FYB2: variants seen among roughly 807,000 people sequenced by gnomAD.
FYB2 encodes the protein FYN-binding protein 2.
A neutral mutation model predicts 94.1 loss-of-function variants in FYB2; 103 were observed. The observed-to-expected ratio is 1.09, with a 90% confidence interval of 0.93 to 1.29. The LOEUF is 1.29. Among genes scored for constraint, FYB2 ranks in the 50% most tolerant of loss-of-function variants. The pLI is 0.00. For synonymous variants in FYB2, 293 were observed against 287.9 expected, an observed-to-expected ratio of 1.02 and a Z score of -0.18; for missense variants, 896 against 841.5, an observed-to-expected ratio of 1.06 and a Z score of -0.80.
intron 5 of FYB2, among the ~76,000 whole-genome samples, chr1:56,762,356 A>G (rs1645517124): frequency 6.6e-6 from 1 of 152,138 alleles, no homozygotes; most frequent in Non-Finnish European, 1.5e-5. Context: ...GTGTCTTCCG[A>G]TCCATAAACA....
Position 56,789,688 on chromosome 1 carries a change from T to C in FYB2, c.758-554A>G, listed in dbSNP as rs545978910. 2.6e-5 allele frequency among the ~76,000 whole-genome samples: 4 copies of C among 152,146 alleles called. No individual in the cohort carries two copies. The East Asian group carries it at 5.8e-4, about 22-fold the overall frequency. Reference sequence around the variant, plus strand: ...TTGTATCCCTGTAGCACATTGTTAATACCCTTACATCAATATCATGGCACA... The same window carrying C: ...TTGTATCCCTGTAGCACATTGTTAACACCCTTACATCAATATCATGGCACA... On this transcript the variant is annotated intron_variant, in intron 2 of 19. Coordinates refer to ENST00000343433, the MANE Select transcript of FYB2 (RefSeq NM_001004303.5).
At chr1:56,754,057 C>G in intron 7 of FYB2, 122 bp from the exon 8 acceptor site, 1 of 655,946 alleles carries the variant, frequency 1.5e-6, no homozygotes. Flanking sequence ...AATCATTTAT[C>G]TTAGATGAAG....
At chr1:56,768,936 A>C (rs1301187666) in intron 4 of FYB2, among the ~76,000 whole-genome samples, 1 of 152,242 alleles carries the variant, frequency 6.6e-6, no homozygotes, top group African/African-American at 2.4e-5. Context: ...GGAGTTATAG[A>C]GATCATAAAA....
chr1:56,730,145 T>C (rs1644673724), intron 15 of FYB2, among the ~76,000 whole-genome samples: 1 of 150,102 alleles, frequency 6.7e-6, no homozygotes, highest in African/African-American at 2.5e-5. Flanking sequence ...ACAAACCAAA[T>C]CCAAAGTTAG....
At chr1:56,751,345 C>T (rs1348827836) in intron 8 of FYB2, 142 bp from the exon 9 acceptor site, 1 of 974,372 alleles carries the variant, frequency 1.0e-6, no homozygotes, top group Non-Finnish European at 1.5e-6. Context: ...TCTTACTAGA[C>T]TCTAAGTTTC....
At chr1:56,790,598 T>G (rs1646238350) in intron 2 of FYB2, among the ~76,000 whole-genome samples, 1 of 152,218 alleles carries the variant, frequency 6.6e-6, no homozygotes. Context: ...CAATAACTAT[T>G]TATTTACTAT....
intron 1 of FYB2, among the ~76,000 whole-genome samples, chr1:56,795,609 G>A (rs1646378911): frequency 6.7e-6 from 1 of 149,918 alleles, no homozygotes; most frequent in Admixed American, 6.6e-5. Context: ...GTGTACAGGG[G>A]TTCCAATTTC....
At chr1:56,742,074 C>T (rs1168878805) in intron 12 of FYB2, 87 bp downstream of exon 12, 20 of 1,142,920 alleles carry the variant, frequency 1.7e-5, no homozygotes, top group East Asian at 9.8e-5. Flanking sequence ...GGCTGGGGGG[C>T]GGATGGTGGG....
intron 15 of FYB2, among the ~76,000 whole-genome samples, chr1:56,731,233 G>A (rs759996415): frequency 9.2e-4 from 140 of 152,108 alleles, no homozygotes; most frequent in Non-Finnish European, 1.4e-3. Context: ...AGGAAAGATC[G>A]CTGGCTTGGG....
At chr1:56,795,638 C>CT (rs35248546) in intron 1 of FYB2, among the ~76,000 whole-genome samples, 41,987 of 147,726 alleles carry the variant, frequency 0.28, 5,931 homozygotes, top group African/African-American at 0.33. Flanking sequence ...TTCACCAACA[C>CT]TTTTTTTTTT....
At chr1:56,791,241 A>T (rs944568384) in intron 2 of FYB2, among the ~76,000 whole-genome samples, 1 of 151,034 alleles carries the variant, frequency 6.6e-6, no homozygotes, top group African/African-American at 2.4e-5. Context: ...ATATGGTAGT[A>T]AAAAACTACA....
intron 17 of FYB2, 75 bp downstream of exon 17, chr1:56,723,513 C>A: frequency 1.2e-6 from 1 of 828,692 alleles, no homozygotes; most frequent in Middle Eastern, 2.4e-4. Context: ...GCACAGCATA[C>A]TTACAGATTT....
chr1:56,735,965 T>C (rs1644821950), intron 15 of FYB2, among the ~76,000 whole-genome samples: 1 of 152,150 alleles, frequency 6.6e-6, no homozygotes, highest in Admixed American at 6.6e-5. Context: ...ATATTGAATA[T>C]TCCCAACACA....
At chr1:56,772,205 A>G (rs1207058166) in intron 4 of FYB2, among the ~76,000 whole-genome samples, 2 of 152,074 alleles carry the variant, frequency 1.3e-5, no homozygotes, top group South Asian at 4.1e-4. Context: ...AATAAGAAAC[A>G]ATTTGGGGAA....
chr1:56,826,615 A>T, the FYB2 span: 23 of 152,394 alleles, frequency 1.5e-4, no homozygotes, highest in Admixed American at 1.2e-3. Context: ...ATGCCCCTGC[A>T]TTGAGCCTTC....
intron 1 of FYB2, among the ~76,000 whole-genome samples, chr1:56,796,538 T>TA (rs1429037145): frequency 6.6e-6 from 1 of 152,178 alleles, no homozygotes; most frequent in Non-Finnish European, 1.5e-5. Flanking sequence ...ACTCAGCTGT[T>TA]AGACAAACCT....
chr1:56,811,465 G>A (rs960679452), intron 1 of FYB2, among the ~76,000 whole-genome samples: 5 of 151,994 alleles, frequency 3.3e-5, no homozygotes, highest in African/African-American at 4.8e-5. Flanking sequence ...AGCCCATGGC[G>A]ACCCAGCTGT....
chr1:56,784,402 A>G (rs1233449877), intron 4 of FYB2, among the ~76,000 whole-genome samples: 1 of 152,172 alleles, frequency 6.6e-6, no homozygotes, highest in Non-Finnish European at 1.5e-5. Flanking sequence ...GCCTACGTAT[A>G]CCATTTATAA....
intron 4 of FYB2, among the ~76,000 whole-genome samples, chr1:56,772,080 C>T (rs577705760): frequency 1.3e-5 from 2 of 151,916 alleles, no homozygotes; most frequent in East Asian, 3.9e-4. Flanking sequence ...TTTTTGTTCC[C>T]CTCCCCCTTC....
Sources: gnomAD v4.1 joint callset for allele counts (sites outside exome capture counted in the v4.1 genomes callset) on GRCh38, gnomAD v4.1.1 for gene constraint, MANE v1.5 for transcripts, NCBI Gene and HGNC (gene_info 2026-07-23, HGNC 2026-07-21) for gene names.